The following HHIPL1 variants were observed in gnomAD, a reference collection of about 807,000 sequenced individuals.
The protein encoded by HHIPL1 is HHIP-like protein 1.
In HHIPL1, 43 loss-of-function variants were observed where a neutral mutation model predicts 61.8. The observed-to-expected ratio is 0.70, with a 90% confidence interval of 0.55 to 0.90. The LOEUF is 0.90. Among genes scored for constraint, HHIPL1 ranks in the 40% least tolerant of loss-of-function variants. HHIPL1 has a pLI of 0.00. For missense variants in HHIPL1, 1,056 were observed against 1,157.7 expected, an observed-to-expected ratio of 0.91 and a Z score of 1.28; for synonymous variants, 482 against 515.8, an observed-to-expected ratio of 0.93 and a Z score of 0.89.
chr14:99,623,265 AC>A, the HHIPL1 span, among the ~76,000 whole-genome samples: 1 of 152,126 alleles, frequency 6.6e-6, no homozygotes, highest in South Asian at 2.1e-4. Flanking sequence ...AATGCCTATT[AC>A]CCTTTAAGGC....
chr14:99,630,684 G>A, the HHIPL1 span, among the ~76,000 whole-genome samples: 3 of 152,166 alleles, frequency 2.0e-5, no homozygotes, highest in East Asian at 1.9e-4. Flanking sequence ...CAGGACATGC[G>A]GCCTCCCGGT....
At chr14:99,646,822 G>A (rs374135993) in intron 1 of HHIPL1, among the ~76,000 whole-genome samples, 1,765 of 89,282 alleles carry the variant, frequency 0.02, 25 homozygotes, top group African/African-American at 0.058. Flanking sequence ...GATATGATAT[G>A]ATATGATATG....
At chr14:99,663,120 A>AGGGTGGAGGAC in intron 6 of HHIPL1, 99 bp downstream of exon 6, 6 of 1,211,522 alleles carry the variant, frequency 5.0e-6, no homozygotes, top group South Asian at 3.4e-5. Flanking sequence ...GAAGGACCAC[A>AGGGTGGAGGAC]CAGGCCTGAA....
At chr14:99,637,038 AGAAAGAAAGAAGGAAGGAAG>A in the HHIPL1 span, among the ~76,000 whole-genome samples, 17 of 130,346 alleles carry the variant, frequency 1.3e-4, no homozygotes, top group East Asian at 7.6e-4. Context: ...AAAGAAAGAA[AGAAAGAAAGAAGGAAGGAAG>A]GAAAAAAGAA....
At chr14:99,671,051 T>C (rs1318285770) in intron 7 of HHIPL1, among the ~76,000 whole-genome samples, 3 of 152,144 alleles carry the variant, frequency 2.0e-5, no homozygotes, top group Non-Finnish European at 1.5e-5. Flanking sequence ...CACGGTCTTG[T>C]GTTAGGAGCC....
chr14:99,664,805 C>T (rs2056215593), intron 6 of HHIPL1, among the ~76,000 whole-genome samples: 2 of 152,072 alleles, frequency 1.3e-5, no homozygotes, highest in Non-Finnish European at 2.9e-5. Context: ...TGACAAGGGG[C>T]AGATTCCTGG....
rs766416860 is a variant in HHIPL1 at position 99,657,182 on chromosome 14, A to T, written c.1046+39A>T. The T allele has an allele frequency of 5.6e-6, 9 of 1,606,412 alleles. No homozygotes were observed. In the East Asian group the frequency reaches 2.0e-4, roughly 36 times the overall value. ...TTGATTGGCTTGTGGGTTGGTCTCC[A>T]TATCCCTGGGCTTCTCATACTCTTC... On this transcript the variant is annotated intron_variant, in intron 3 of 8. Transcript: ENST00000330710.
rs746829219 is a variant in HHIPL1, at chr14:99,652,206, C to A, written c.256-18C>A. On this transcript the variant is annotated intron_variant, in intron 1 of 8. Coordinates refer to ENST00000330710, the MANE Select transcript of HHIPL1 (RefSeq NM_001127258.3). The stretch of plus-strand genomic sequence containing the variant: ...AGCACCTCCACAAAACATCTCTGAG[C>A]CATTACTGTCTCTGCAGGAATGCTC... 1.9e-6 allele frequency: 3 copies of A among 1,569,458 alleles called. No individual in the cohort carries two copies. The highest frequency in any genetic ancestry group is 1.3e-5 in the African/African-American group (1 of 74,296).
intron 2 of HHIPL1, among the ~76,000 whole-genome samples, chr14:99,655,625 AAAAG>A (rs1398421255): frequency 1.3e-5 from 2 of 152,168 alleles, no homozygotes; most frequent in Non-Finnish European, 1.5e-5. Flanking sequence ...AAAAAGGAAA[AAAAG>A]AAAGAAAGAA....
Position 99,675,577 on chromosome 14 carries a change from A to C in HHIPL1, c.2300A>C (p.His767Pro), listed in dbSNP as rs1374571610. The change falls in exon 9 of 9, where the codon CAC (histidine) becomes CCC (proline). Residue 767 changes from histidine to proline, a missense_variant. Coordinates refer to ENST00000330710, the MANE Select transcript of HHIPL1 (RefSeq NM_001127258.3). This position sits in a 1 kb window ranked among gnomAD's most constrained non-coding sequence, Gnocchi z 5.4. Reference sequence around the variant, plus strand: ...GGCGTGGGCACCCACAACTGCGAGCACGACGAGGATGCGGGCGTCGTGTGC... The same window carrying C: ...GGCGTGGGCACCCACAACTGCGAGCCCGACGAGGATGCGGGCGTCGTGTGC... ...HNGVGTHNCEHDEDAGVVCSH... is the reference protein window; with the variant it reads ...HNGVGTHNCEPDEDAGVVCSH... The C allele has an allele frequency of 6.5e-7, 1 of 1,535,548 alleles. No individual in the cohort carries two copies. The highest frequency in any genetic ancestry group is 8.7e-7 in the Non-Finnish European group (1 of 1,144,698).
intron 6 of HHIPL1, among the ~76,000 whole-genome samples, chr14:99,665,430 G>A (rs770568716): frequency 1.3e-5 from 2 of 152,186 alleles, no homozygotes; most frequent in Non-Finnish European, 2.9e-5. Context: ...GGTCAAATGG[G>A]TCAGATCACC....
At chr14:99,643,907 T>A (rs185763614), upstream of HHIPL1, among the ~76,000 whole-genome samples, 1 of 152,354 alleles carries the variant, frequency 6.6e-6, no homozygotes, top group African/African-American at 2.4e-5. Context: ...TCCAGTAACA[T>A]CTGCTCTTCC....
At chr14:99,612,562 C>T in the HHIPL1 span, among the ~76,000 whole-genome samples, 1 of 152,138 alleles carries the variant, frequency 6.6e-6, no homozygotes, top group Non-Finnish European at 1.5e-5. Flanking sequence ...CTTATAATTA[C>T]GGGGTTTACA....
chr14:99,626,062 C>T, the HHIPL1 span, among the ~76,000 whole-genome samples: 21 of 152,152 alleles, frequency 1.4e-4, no homozygotes, highest in East Asian at 1.7e-3. Flanking sequence ...GCCAGAGGAT[C>T]GGGCGGCCTG....
intron 3 of HHIPL1, 138 bp from the exon 4 acceptor site, chr14:99,659,290 G>T (rs1411753700): frequency 1.7e-6 from 1 of 600,998 alleles, no homozygotes; most frequent in Non-Finnish European, 2.7e-6. Flanking sequence ...CAGCATCCCA[G>T]GGTCTCTGGC....
At chr14:99,617,747 C>T in the HHIPL1 span, among the ~76,000 whole-genome samples, 3 of 152,196 alleles carry the variant, frequency 2.0e-5, no homozygotes, top group African/African-American at 4.8e-5. Context: ...ACCAGCAACA[C>T]GCCAAGCCCG....
the HHIPL1 span, among the ~76,000 whole-genome samples, chr14:99,629,937 A>G: frequency 7.2e-4 from 109 of 152,352 alleles, no homozygotes; most frequent in African/African-American, 2.4e-3. Flanking sequence ...CAGTTACAGC[A>G]GAACTGACAG....
At chr14:99,636,968 GAA>G in the HHIPL1 span, among the ~76,000 whole-genome samples, 4 of 94,790 alleles carry the variant, frequency 4.2e-5, no homozygotes, top group East Asian at 3.0e-4. Context: ...AGATCCTGCT[GAA>G]AAAAAAAAAG....
At chr14:99,657,195 T>C (rs2056062999) in intron 3 of HHIPL1, 52 bp downstream of exon 3, 1 of 1,587,184 alleles carries the variant, frequency 6.3e-7, no homozygotes. Flanking sequence ...TCCCTGGGCT[T>C]CTCATACTCT....
Sources: allele counts gnomAD v4.1 joint callset (sites outside exome capture counted in the v4.1 genomes callset), GRCh38; gene constraint gnomAD v4.1.1; non-coding constraint Gnocchi (gnomAD v3.1); transcripts MANE v1.5; gene names NCBI Gene and HGNC (gene_info 2026-07-23, HGNC 2026-07-21).